PCDHAC1: variants seen among roughly 807,000 people sequenced by gnomAD.
PCDHAC1 encodes the protein protocadherin alpha subfamily C, 1.
A neutral mutation model predicts 60.0 loss-of-function variants in PCDHAC1; 42 were observed. The ratio of observed to expected loss-of-function variants is 0.70; its 90% CI spans 0.55 to 0.90. PCDHAC1 has a LOEUF of 0.90. Among genes scored for constraint, PCDHAC1 ranks in the 40% least tolerant of loss-of-function variants. PCDHAC1 has a pLI of 0.00. For missense variants in PCDHAC1, 1,160 were observed against 1,222.3 expected (o/e 0.95, Z 0.76); for synonymous variants, 468 against 499.3 (o/e 0.94, Z 0.84).
chr5:140,947,987 C>G (rs1554218389), intron 1 of PCDHAC1, among the ~76,000 whole-genome samples: 1 of 144,778 alleles, frequency 6.9e-6, no homozygotes, highest in African/African-American at 2.6e-5. Context: ...AGGTTTTTCC[C>G]AAATACTTTA....
intron 3 of PCDHAC1, among the ~76,000 whole-genome samples, chr5:140,992,421 A>C (rs1412648457): frequency 6.6e-6 from 1 of 152,164 alleles, no homozygotes; most frequent in African/African-American, 2.4e-5. Flanking sequence ...CAGGTCTAAG[A>C]ATATTGTTCC....
At chr5:140,950,548 G>T (rs1363394631) in intron 1 of PCDHAC1, among the ~76,000 whole-genome samples, 2 of 151,990 alleles carry the variant, frequency 1.3e-5, no homozygotes, top group African/African-American at 4.8e-5. Context: ...TTGCATGGCT[G>T]GGGGGACACT....
intron 3 of PCDHAC1, among the ~76,000 whole-genome samples, chr5:141,008,922 G>A (rs34518527): frequency 0.052 from 7,924 of 152,178 alleles, 248 homozygotes; most frequent in South Asian, 0.11. Flanking sequence ...AATTTATTCA[G>A]CTAATTTTTC....
At chr5:140,969,178 C>G (rs2096303822) in intron 1 of PCDHAC1, 1 of 1,613,978 alleles carries the variant, frequency 6.2e-7, no homozygotes, top group South Asian at 1.1e-5. Flanking sequence ...CAGGGAGTGA[C>G]ACTTTCATGT....
chr5:140,996,365 T>C (rs1017086317), intron 3 of PCDHAC1, among the ~76,000 whole-genome samples: 4 of 152,196 alleles, frequency 2.6e-5, no homozygotes, highest in African/African-American at 9.7e-5. Context: ...GAAGCCATTT[T>C]GTTGTCGGCT....
intron 3 of PCDHAC1, among the ~76,000 whole-genome samples, chr5:140,993,462 T>TCTCACA (rs1235362335): frequency 7.1e-6 from 1 of 140,938 alleles, no homozygotes; most frequent in Non-Finnish European, 1.5e-5. Flanking sequence ...TCTTTCTTTC[T>TCTCACA]CACACACACA....
chr5:140,997,668 TTG>T (rs35184029), intron 3 of PCDHAC1, among the ~76,000 whole-genome samples: 38,693 of 147,760 alleles, frequency 0.26, 5,114 homozygotes, highest in Middle Eastern at 0.39. Flanking sequence ...ATTATACAGC[TTG>T]TGTGTGTGTG....
At chr5:140,979,548 C>A (rs2153819465) in intron 2 of PCDHAC1, among the ~76,000 whole-genome samples, 1 of 152,286 alleles carries the variant, frequency 6.6e-6, no homozygotes, top group African/African-American at 2.4e-5. Context: ...TGACATGGTT[C>A]TTCAGAAGAT....
chr5:140,940,265 C>T (rs782351194), intron 1 of PCDHAC1, among the ~76,000 whole-genome samples: 1 of 152,116 alleles, frequency 6.6e-6, no homozygotes, highest in Non-Finnish European at 1.5e-5. Flanking sequence ...CTTCTGGGTT[C>T]CACTGTTGTC....
chr5:140,977,359 A>G (rs1335405602), intron 1 of PCDHAC1, among the ~76,000 whole-genome samples: 6 of 152,212 alleles, frequency 3.9e-5, no homozygotes, highest in Non-Finnish European at 8.8e-5. Context: ...TGATTGATAA[A>G]AAGTATTTTA....
rs77940063 is a variant in PCDHAC1, at chr5:140,966,638, T to G, written c.2434-12311T>G. Reference sequence around the variant, plus strand: ...ACGGAGGGAGCGGCCCCAGGCGCTTTCTAGAGCGTGAGCGGTGGGGGAGCA... The same window carrying G: ...ACGGAGGGAGCGGCCCCAGGCGCTTGCTAGAGCGTGAGCGGTGGGGGAGCA... On this transcript the variant is annotated intron_variant, in intron 1 of 3. Transcript: ENST00000253807. The G allele has an allele frequency of 3.9e-3, 4,251 of 1,090,104 alleles. 104 individuals carry two copies. The African/African-American group carries it at 0.057, about 15-fold the overall frequency. 67.5% of individuals were successfully genotyped at this position (1,090,104 alleles called of 1,614,324 possible).
chr5:140,958,872 G>T (rs993434831), intron 1 of PCDHAC1, among the ~76,000 whole-genome samples: 1 of 151,970 alleles, frequency 6.6e-6, no homozygotes, highest in Non-Finnish European at 1.5e-5. Context: ...GTTTATAAAA[G>T]AATTGACCAG....
At chr5:140,938,476 T>A (rs1393084209) in intron 1 of PCDHAC1, among the ~76,000 whole-genome samples, 2 of 152,194 alleles carry the variant, frequency 1.3e-5, no homozygotes, top group African/African-American at 2.4e-5. Context: ...TTATGTTTTT[T>A]AAAAATCATG....
intron 1 of PCDHAC1, among the ~76,000 whole-genome samples, chr5:140,955,559 A>G (rs1220948022): frequency 6.6e-6 from 1 of 152,164 alleles, no homozygotes; most frequent in African/African-American, 2.4e-5. Flanking sequence ...CTCCCCAGCC[A>G]TACTGAACTG....
At chr5:140,972,660 A>T (rs868975656) in intron 1 of PCDHAC1, among the ~76,000 whole-genome samples, 47 of 117,276 alleles carry the variant, frequency 4.0e-4, no homozygotes, top group Non-Finnish European at 6.8e-4. Flanking sequence ...AAGAAACCAA[A>T]TTTTTTTTTT....
rs782354452 is a variant in PCDHAC1, at chr5:140,966,783, C to G, written c.2434-12166C>G. 28 of 1,520,948 alleles carry G rather than the reference C, an allele frequency of 1.8e-5. No homozygotes were observed. The highest frequency in any genetic ancestry group is 2.1e-4 in the Middle Eastern group (1 of 4,706). The allele number at this position is 1,520,948 out of a possible 1,614,324, so 94.2% of individuals were successfully genotyped here. On this transcript the variant is annotated intron_variant, in intron 1 of 3. Transcript: ENST00000253807. ...CCAGTGGCTATGGAGCAGGCGGGCA[C>G]CAGACCTGCGGCGACAGAGCATCCA...
rs782590821 is a variant in PCDHAC1, at chr5:140,929,251, G to A, written c.2359G>A (p.Val787Ile). Reference protein sequence around the residue: ...AADLRNLATGVGLNLPISCIQ... With the variant: ...AADLRNLATGIGLNLPISCIQ... The stretch of plus-strand genomic sequence containing the variant: ...CGACCTGCGAAATCTTGCCACTGGG[G>A]TAGGACTGAATTTGCCAATATCCTG... Residue 787 changes from valine (V) to isoleucine (I), a missense_variant, in exon 1 of 4, where the codon GTA becomes ATA. Physicochemically the swap from Val to Ile is conservative, Grantham distance 29. Coordinates refer to ENST00000253807, the MANE Select transcript of PCDHAC1 (RefSeq NM_018898.5). 6.2e-7 allele frequency: 1 copy of A among 1,613,534 alleles called. No individual in the cohort carries two copies. Among genetic ancestry groups the A allele is most frequent in the South Asian group, 1.1e-5 (1 of 91,012 alleles).
At chr5:140,966,821 C>T (rs1554228738) in intron 1 of PCDHAC1, 1 of 1,557,928 alleles carries the variant, frequency 6.4e-7, no homozygotes, top group Admixed American at 1.9e-5. Flanking sequence ...GCTCCGGCGG[C>T]CCATGCCCTG....
At chr5:141,009,147 C>A (rs1193433198) in intron 3 of PCDHAC1, among the ~76,000 whole-genome samples, 1 of 152,332 alleles carries the variant, frequency 6.6e-6, no homozygotes, top group Admixed American at 6.5e-5. Flanking sequence ...AACCTGCCCT[C>A]TTGCTTGTCT....
Sources: gnomAD v4.1 joint callset for allele counts (sites outside exome capture counted in the v4.1 genomes callset) on GRCh38, gnomAD v4.1.1 for gene constraint, MANE v1.5 for transcripts, NCBI Gene and HGNC (gene_info 2026-07-23, HGNC 2026-07-21) for gene names.